ATG7: variants seen among roughly 807,000 people sequenced by gnomAD.
ATG7 encodes ubiquitin-like modifier-activating enzyme ATG7.
In ATG7, 70 loss-of-function variants were observed where a neutral mutation model predicts 82.4. The observed-to-expected ratio is 0.85, with a 90% CI of 0.70 to 1.04. ATG7 has a LOEUF of 1.04. Ranked by LOEUF, ATG7 falls within the 50% of genes least tolerant of loss-of-function variation. ATG7 has a pLI of 0.00. For synonymous variants in ATG7, 287 were observed against 313.0 expected, an observed-to-expected ratio of 0.92 and a Z score of 0.88; for missense variants, 792 against 864.3, an observed-to-expected ratio of 0.92 and a Z score of 1.05.
chr3:11,560,174 C>T (rs2072852941), downstream of ATG7, among the ~76,000 whole-genome samples: 1 of 152,212 alleles, frequency 6.6e-6, no homozygotes, highest in Non-Finnish European at 1.5e-5. Flanking sequence ...TTCACTCCTG[C>T]TCCCCTAACC....
intron 9 of ATG7, among the ~76,000 whole-genome samples, chr3:11,324,664 C>T (rs1950619963): frequency 6.6e-6 from 1 of 151,958 alleles, no homozygotes; most frequent in South Asian, 2.1e-4. Flanking sequence ...TTTCACTATT[C>T]TACCCCATTG....
chr3:11,275,176 C>T (rs766235298), intron 1 of ATG7, among the ~76,000 whole-genome samples: 4 of 151,984 alleles, frequency 2.6e-5, no homozygotes, highest in East Asian at 1.9e-4. Flanking sequence ...ATCCTGATGA[C>T]GGGAGGGCAG....
chr3:11,443,789 C>T (rs2084233322), intron 20 of ATG7, among the ~76,000 whole-genome samples: 1 of 152,116 alleles, frequency 6.6e-6, no homozygotes, highest in South Asian at 2.1e-4. Flanking sequence ...GAAAATTTCC[C>T]CCCCTGCTTT....
intron 20 of ATG7, among the ~76,000 whole-genome samples, chr3:11,546,587 C>T (rs1184805042): frequency 3.9e-5 from 6 of 152,222 alleles, no homozygotes; most frequent in Non-Finnish European, 8.8e-5. Flanking sequence ...TAGTTCATGG[C>T]ATGCTTCAGG....
chr3:11,416,253 C>T lies in ATG7; in HGVS notation c.1957-10551C>T, dbSNP rs544202347. On this transcript the variant is annotated intron_variant, in intron 19 of 20. Coordinates refer to ENST00000693202, the MANE Select transcript of ATG7 (RefSeq NM_001349232.2). ...TAGGAAGTATTCCCTTTGCTTCTGTCTTCTGAAAGAGATTGTAGATGATTG... is the reference window on the plus strand; with the variant it reads ...TAGGAAGTATTCCCTTTGCTTCTGTTTTCTGAAAGAGATTGTAGATGATTG... Among the ~76,000 whole-genome samples, 2 of 152,292 alleles carry T rather than the reference C, an allele frequency of 1.3e-5. 1 individual carries two copies. The highest frequency in any genetic ancestry group is 4.1e-4 in the South Asian group (2 of 4,822).
chr3:11,497,782 T>C (rs1390819251), intron 20 of ATG7, among the ~76,000 whole-genome samples: 1 of 152,166 alleles, frequency 6.6e-6, no homozygotes, highest in East Asian at 1.9e-4. Context: ...TATTCCCATC[T>C]GCTGTATACA....
intron 20 of ATG7, among the ~76,000 whole-genome samples, chr3:11,513,727 C>T (rs142742600): frequency 0.016 from 2,389 of 152,326 alleles, 68 homozygotes; most frequent in African/African-American, 0.055. Context: ...CCTCAAGTGC[C>T]GCCAAAGTGG....
intron 20 of ATG7, among the ~76,000 whole-genome samples, chr3:11,519,145 G>C (rs1197536589): frequency 6.6e-6 from 1 of 152,032 alleles, no homozygotes; most frequent in Admixed American, 6.6e-5. Flanking sequence ...AAATATTGTG[G>C]CCTCTAAAGC....
intron 18 of ATG7, among the ~76,000 whole-genome samples, chr3:11,374,872 C>G (rs2077279117): frequency 7.3e-6 from 1 of 136,692 alleles, no homozygotes; most frequent in African/African-American, 2.8e-5. Context: ...CCACTACACT[C>G]CAGCCTGGGC....
intron 20 of ATG7, among the ~76,000 whole-genome samples, chr3:11,507,546 C>A (rs557287384): frequency 1.4e-4 from 21 of 152,240 alleles, no homozygotes; most frequent in Admixed American, 5.2e-4. Context: ...CCTATAATTT[C>A]TGTTATTGAC....
chr3:11,393,346 G>T (rs527562674), intron 19 of ATG7, among the ~76,000 whole-genome samples: 2 of 151,946 alleles, frequency 1.3e-5, no homozygotes, highest in Non-Finnish European at 2.9e-5. Context: ...CCACACCTGG[G>T]GTATGCACTC....
the ATG7 span, among the ~76,000 whole-genome samples, chr3:11,573,279 GAAAGA>G: frequency 6.5e-5 from 1 of 15,452 alleles, no homozygotes; most frequent in Non-Finnish European, 1.3e-4. Flanking sequence ...AAGAAAGAAA[GAAAGA>G]AAGAAAGAAA....
chr3:11,477,886 C>G (rs1193467868), intron 20 of ATG7, among the ~76,000 whole-genome samples: 1 of 152,190 alleles, frequency 6.6e-6, no homozygotes, highest in Non-Finnish European at 1.5e-5. Context: ...TGGCAGGAAA[C>G]AGGCCTGATA....
chr3:11,335,036 A>G lies in ATG7; in HGVS notation c.889+1943A>G, dbSNP rs1041684436. 4.6e-5 allele frequency among the ~76,000 whole-genome samples: 7 copies of G among 151,908 alleles called. No homozygotes were observed. In the East Asian group the frequency reaches 1.2e-3, roughly 25 times the overall value. On this transcript the variant is annotated intron_variant, in intron 11 of 20. Transcript: ENST00000693202. ...TCAGAAGGATTCAGGATTGGCCCAC[A>G]TGACATTTTTTCAGCGATTCTATGC...
intron 19 of ATG7, among the ~76,000 whole-genome samples, chr3:11,405,374 C>T (rs1000519082): frequency 2.6e-5 from 4 of 152,006 alleles, no homozygotes; most frequent in East Asian, 1.9e-4. Flanking sequence ...GGGGGTGAGG[C>T]GATGAGAATA....
chr3:11,341,778 A>G (rs1272565614), intron 12 of ATG7, among the ~76,000 whole-genome samples: 2 of 152,152 alleles, frequency 1.3e-5, no homozygotes, highest in Non-Finnish European at 2.9e-5. Flanking sequence ...GGCCTTATTA[A>G]GGAGATATGG....
intron 20 of ATG7, among the ~76,000 whole-genome samples, chr3:11,522,875 T>C (rs2092477870): frequency 6.6e-6 from 1 of 152,140 alleles, no homozygotes; most frequent in Admixed American, 6.5e-5. Context: ...TAGATAGCTC[T>C]GGATCTAGAA....
At chr3:11,325,026 A>T (rs1448158005) in intron 9 of ATG7, among the ~76,000 whole-genome samples, 1 of 152,228 alleles carries the variant, frequency 6.6e-6, no homozygotes, top group Non-Finnish European at 1.5e-5. Context: ...GTTCAGATAC[A>T]CAAATACCAT....
At position 11,298,178 on chromosome 3, in the gene ATG7, T is replaced by TA. The variant is rs202087285; in HGVS notation, c.-10-494dup. ...CAACAGAGTGAGACTCCATCTCAAT[T>TA]AAAAAAAAAAAAAATCACTGTGTCA... On this transcript the variant is annotated intron_variant, in intron 3 of 20. Transcript: ENST00000693202. 1.1e-3 allele frequency among the ~76,000 whole-genome samples: 161 copies of TA among 142,082 alleles called. 1 individual carries two copies. Among genetic ancestry groups the TA allele is most frequent in the Middle Eastern group, 7.2e-3 (2 of 276 alleles). The allele number at this position is 142,082 out of a possible 152,430, so 93.2% of individuals were successfully genotyped here. A position where few individuals can be genotyped will look rare whatever the true frequency, so the allele number is the denominator to read the frequency against.
Sources: gnomAD v4.1 joint callset for allele counts (sites outside exome capture counted in the v4.1 genomes callset) on GRCh38, gnomAD v4.1.1 for gene constraint, MANE v1.5 for transcripts, NCBI Gene and HGNC (gene_info 2026-07-23, HGNC 2026-07-21) for gene names.